CLIC5: variants seen among roughly 807,000 people sequenced by gnomAD.
CLIC5 encodes the protein chloride intracellular channel protein 5.
CLIC5 carries 20 observed loss-of-function variants against 24.7 expected under a neutral mutation model. The ratio of observed to expected loss-of-function variants is 0.81; its 90% CI spans 0.57 to 1.18. The LOEUF (loss-of-function observed/expected upper bound fraction) is 1.18, where lower values mean the gene tolerates loss of function less well. Ranked by LOEUF, CLIC5 falls within the 50% of genes most tolerant of loss-of-function variation. CLIC5 has a pLI of 0.00. For missense variants in CLIC5, 341 were observed against 326.1 expected (o/e 1.05, Z -0.35); for synonymous variants, 159 against 135.6 (o/e 1.17, Z -1.20).
At chr6:46,088,589 C>G in the CLIC5 span, among the ~76,000 whole-genome samples, 407 of 152,260 alleles carry the variant, frequency 2.7e-3, no homozygotes, top group African/African-American at 9.5e-3. Context: ...TTCTCTAACT[C>G]CTTTTCTACC....
At chr6:46,056,049 G>A (rs1768240873) in intron 1 of CLIC5, among the ~76,000 whole-genome samples, 1 of 152,184 alleles carries the variant, frequency 6.6e-6, no homozygotes, top group South Asian at 2.1e-4. Context: ...TGATGCCACT[G>A]AACTGTACAC....
chr6:45,954,123 A>G (rs1015551246), intron 2 of CLIC5, among the ~76,000 whole-genome samples: 3 of 151,858 alleles, frequency 2.0e-5, no homozygotes, highest in Admixed American at 6.6e-5. Flanking sequence ...AAAATACAAA[A>G]ATTAGCCTGT....
the CLIC5 span, among the ~76,000 whole-genome samples, chr6:46,096,239 C>T: frequency 6.6e-6 from 1 of 152,312 alleles, no homozygotes; most frequent in East Asian, 1.9e-4. Context: ...TCAATCACCT[C>T]CCACCAGCCC....
At chr6:46,020,359 A>G (rs182181086), upstream of CLIC5, among the ~76,000 whole-genome samples, 1 of 152,282 alleles carries the variant, frequency 6.6e-6, no homozygotes, top group East Asian at 1.9e-4. Flanking sequence ...AGGATTATTA[A>G]AAAATATTTT....
At position 45,881,163 on chromosome 6, in the gene CLIC5, C is replaced by G. The variant is rs563609584; in HGVS notation, c.649G>C (p.Ala217Pro). 2.1e-4 allele frequency: 84 copies of G among 398,168 alleles called. No individual in the cohort carries two copies. In the East Asian group the frequency reaches 2.8e-3, roughly 13 times the overall value. 24.7% of individuals were successfully genotyped at this position (398,168 alleles called of 1,614,324 possible). Residue 217 changes from alanine to proline, a missense_variant, in exon 7 of 7, where the codon GCA becomes CCA. Coordinates refer to the CLIC5 transcript ENST00000644324. ...TGCTTGCTTCTTCCTCTACTCCATG[C>G]CCCCTTTTTTTCAACAAAAAGAAAG...
At chr6:45,973,194 G>T (rs1222137644) in intron 1 of CLIC5, among the ~76,000 whole-genome samples, 3 of 152,188 alleles carry the variant, frequency 2.0e-5, no homozygotes, top group African/African-American at 7.2e-5. Context: ...CTGCCTCTTT[G>T]CCTGTGGGAC....
the CLIC5 span, among the ~76,000 whole-genome samples, chr6:46,103,489 G>C: frequency 1.3e-5 from 2 of 152,098 alleles, no homozygotes. Flanking sequence ...TATTCTTTCT[G>C]AGGACTGATA....
At chr6:45,932,551 C>T (rs977784175) in intron 4 of CLIC5, 1 of 152,246 alleles carries the variant, frequency 6.6e-6, no homozygotes, top group Non-Finnish European at 1.5e-5. Context: ...GCACTGTGAC[C>T]CCCGGGGTAG....
chr6:46,027,142 C>T (rs1327970244), intron 1 of CLIC5, among the ~76,000 whole-genome samples: 1 of 152,152 alleles, frequency 6.6e-6, no homozygotes, highest in African/African-American at 2.4e-5. Flanking sequence ...AGAACAAACA[C>T]ATAAGCAAAC....
the CLIC5 span, among the ~76,000 whole-genome samples, chr6:46,112,067 A>T: frequency 8.5e-6 from 1 of 117,024 alleles, no homozygotes; most frequent in African/African-American, 3.0e-5. Context: ...AAACAGACGA[A>T]TACATAAGGA....
intron 1 of CLIC5, among the ~76,000 whole-genome samples, chr6:46,001,176 G>A (rs1381390022): frequency 6.6e-6 from 1 of 152,182 alleles, no homozygotes; most frequent in African/African-American, 2.4e-5. Flanking sequence ...GGAACCAGAA[G>A]AGATAGTCCA....
the CLIC5 span, among the ~76,000 whole-genome samples, chr6:46,123,572 G>T: frequency 6.6e-6 from 1 of 152,198 alleles, no homozygotes; most frequent in Non-Finnish European, 1.5e-5. Context: ...AGTGTTGGAA[G>T]TCCTGGCCAA....
chr6:45,926,564 G>A (rs1037117623), intron 4 of CLIC5, among the ~76,000 whole-genome samples: 1 of 152,032 alleles, frequency 6.6e-6, no homozygotes, highest in Non-Finnish European at 1.5e-5. Flanking sequence ...CCAGAGAAAC[G>A]TATTTTATTT....
At chr6:45,912,493 A>G in intron 5 of CLIC5, 2 of 1,329,686 alleles carry the variant, frequency 1.5e-6, no homozygotes, top group Admixed American at 3.1e-5. Context: ...ATGTTTGAGC[A>G]AGAGAAAAGG....
chr6:45,953,045 C>T (rs113352404), intron 2 of CLIC5, among the ~76,000 whole-genome samples: 5 of 152,200 alleles, frequency 3.3e-5, no homozygotes, highest in African/African-American at 1.2e-4. Context: ...GATTGAAGGT[C>T]TCATTTGAAA....
intron 1 of CLIC5, among the ~76,000 whole-genome samples, chr6:46,037,974 G>GGATGA (rs1297651192): frequency 1.3e-5 from 2 of 152,146 alleles, no homozygotes; most frequent in Non-Finnish European, 2.9e-5. Flanking sequence ...CAGGGAAAGA[G>GGATGA]GATGAGACCT....
intron 4 of CLIC5, chr6:45,920,624 A>T (rs1763220195): frequency 1.1e-6 from 1 of 919,056 alleles, no homozygotes; most frequent in Non-Finnish European, 1.3e-6. Context: ...AACAAAAAAT[A>T]ATAATAAGAA....
chr6:45,999,347 C>T (rs527292178), intron 1 of CLIC5, among the ~76,000 whole-genome samples: 25 of 152,268 alleles, frequency 1.6e-4, no homozygotes, highest in African/African-American at 5.1e-4. Context: ...TGGATTTACA[C>T]AGGAATATCA....
intron 1 of CLIC5, among the ~76,000 whole-genome samples, chr6:46,058,097 T>TG (rs66516959): frequency 0.29 from 43,046 of 146,626 alleles, 6,170 homozygotes; most frequent in Admixed American, 0.39. Context: ...GTGTGTGTGT[T>TG]TGTCTGGATA....
Sources: gnomAD v4.1 joint callset for allele counts (sites outside exome capture counted in the v4.1 genomes callset) on GRCh38, gnomAD v4.1.1 for gene constraint, MANE v1.5 for transcripts, NCBI Gene and HGNC (gene_info 2026-07-23, HGNC 2026-07-21) for gene names.